TET3: variants seen among roughly 807,000 people sequenced by gnomAD.
TET3 encodes methylcytosine dioxygenase TET3.
A neutral mutation model predicts 141.4 loss-of-function variants in TET3; 19 were observed. The ratio of observed to expected loss-of-function variants is 0.13; its 90% CI spans 0.09 to 0.20. TET3 has a LOEUF of 0.20. Among genes scored for constraint, TET3 ranks in the 10% least tolerant of loss-of-function variants. The pLI is 1.00. For synonymous variants in TET3, 1,043 were observed against 980.9 expected (o/e 1.06, Z -1.18); for missense variants, 1,874 against 2,356.9 (o/e 0.80, Z 4.24).
intron 3 of TET3, among the ~76,000 whole-genome samples, chr2:74,008,854 C>A (rs1685279711): frequency 6.6e-6 from 1 of 152,144 alleles, no homozygotes; most frequent in African/African-American, 2.4e-5. Flanking sequence ...CTAAAGAAAT[C>A]CTGGTTACCT....
downstream of TET3, among the ~76,000 whole-genome samples, chr2:74,112,791 A>G (rs187871970): frequency 2.0e-4 from 31 of 151,648 alleles, no homozygotes; most frequent in Non-Finnish European, 4.3e-4. Flanking sequence ...TCATGAGGTC[A>G]GAAGTTCAAG....
chr2:74,084,052 C>T (rs1303465248), intron 6 of TET3, among the ~76,000 whole-genome samples: 1 of 152,158 alleles, frequency 6.6e-6, no homozygotes, highest in African/African-American at 2.4e-5. Flanking sequence ...GATTTAATAC[C>T]GTGTTCAGGT....
chr2:74,115,740 G>A, the TET3 span, among the ~76,000 whole-genome samples: 1 of 152,156 alleles, frequency 6.6e-6, no homozygotes, highest in Non-Finnish European at 1.5e-5. Context: ...TGAGCCAGGT[G>A]CAGTGGCTGA....
At chr2:74,018,743 AC>A (rs1434878673) in intron 3 of TET3, among the ~76,000 whole-genome samples, 2 of 121,638 alleles carry the variant, frequency 1.6e-5, no homozygotes, top group Non-Finnish European at 3.3e-5. Flanking sequence ...CATACTTCTT[AC>A]TTTTTTTTTT....
At chr2:74,098,571 T>G (rs193043354) in intron 10 of TET3, among the ~76,000 whole-genome samples, 1 of 151,670 alleles carries the variant, frequency 6.6e-6, no homozygotes, top group African/African-American at 2.4e-5. Context: ...AATCAGCACA[T>G]AGAGTTTATA....
the TET3 span, among the ~76,000 whole-genome samples, chr2:74,124,414 C>T: frequency 3.3e-5 from 5 of 151,424 alleles, no homozygotes; most frequent in African/African-American, 4.8e-5. Context: ...TCTGCCCAGC[C>T]GCCACCCCGT....
At chr2:73,989,648 ACTT>A (rs57592289) in intron 2 of TET3, among the ~76,000 whole-genome samples, 13,798 of 151,996 alleles carry the variant, frequency 0.091, 1,523 homozygotes, top group African/African-American at 0.25. Context: ...GGCGGTGACT[ACTT>A]CTCTGGGTCC....
In TET3 at chr2:74,080,570, C is replaced by G. The variant is rs202076712; in HGVS notation, c.2658C>G (p.Arg886=). 61 of 1,612,606 alleles carry G rather than the reference C, an allele frequency of 3.8e-5. No homozygotes were observed. The highest frequency in any genetic ancestry group is 1.2e-4 in the Admixed American group (7 of 59,890). ...CGGGGAAGGAGGGAAAGAGCTCCCG[C>G]GGTTGCCCCATTGCAAAGTGGGTGA... The part of the protein sequence containing the change: ...IYTGKEGKSS[R]GCPIAKWVIR... The change falls in exon 6 of 12, where the codon CGC becomes CGG. Residue 886 remains arginine (R), a synonymous_variant. Transcript: ENST00000409262.
At chr2:74,131,560 G>C in the TET3 span, among the ~76,000 whole-genome samples, 1 of 152,316 alleles carries the variant, frequency 6.6e-6, no homozygotes, top group East Asian at 1.9e-4. Context: ...AACCAGGGCT[G>C]AGGGGCACTA....
chr2:74,030,423 A>T (rs749810089), intron 3 of TET3, among the ~76,000 whole-genome samples: 4 of 152,154 alleles, frequency 2.6e-5, no homozygotes, highest in Non-Finnish European at 4.4e-5. Context: ...GAATTGTATC[A>T]TAGTTTACCA....
chr2:73,991,194 T>G (rs1443536993), intron 2 of TET3, among the ~76,000 whole-genome samples: 1 of 152,116 alleles, frequency 6.6e-6, no homozygotes, highest in Non-Finnish European at 1.5e-5. Context: ...TTATGGATAG[T>G]CTTTAGAATA....
chr2:74,060,306 T>G (rs1297158418), intron 4 of TET3, among the ~76,000 whole-genome samples: 1 of 152,180 alleles, frequency 6.6e-6, no homozygotes, highest in Non-Finnish European at 1.5e-5. Context: ...CTGTTCAAGT[T>G]CCGGTTCAAG....
chr2:74,086,242 A>C (rs1365656948), intron 6 of TET3, among the ~76,000 whole-genome samples: 1 of 151,916 alleles, frequency 6.6e-6, no homozygotes, highest in Non-Finnish European at 1.5e-5. Context: ...ATTTTCAGCC[A>C]CCTCCTTCCC....
intron 3 of TET3, among the ~76,000 whole-genome samples, chr2:74,037,941 C>T (rs1017393546): frequency 3.3e-5 from 5 of 152,180 alleles, no homozygotes; most frequent in Non-Finnish European, 5.9e-5. Flanking sequence ...GTTGACTGAA[C>T]GAGGTGTTTG....
intron 4 of TET3, among the ~76,000 whole-genome samples, chr2:74,057,907 A>G (rs1038606650): frequency 1.3e-5 from 2 of 152,250 alleles, no homozygotes; most frequent in Admixed American, 6.5e-5. Flanking sequence ...CATTTTCATT[A>G]GTGTTAACAA....
chr2:74,026,567 G>A (rs1443233998), intron 3 of TET3, among the ~76,000 whole-genome samples: 1 of 152,166 alleles, frequency 6.6e-6, no homozygotes, highest in Non-Finnish European at 1.5e-5. Context: ...TTATCTTTTA[G>A]TAGCAGAACT....
chr2:74,023,127 G>C (rs1156778451), intron 3 of TET3, among the ~76,000 whole-genome samples: 1 of 152,058 alleles, frequency 6.6e-6, no homozygotes, highest in African/African-American at 2.4e-5. Context: ...CTGTTCCTTG[G>C]ACCACATTTT....
At chr2:74,126,755 G>A in the TET3 span, among the ~76,000 whole-genome samples, 401 of 151,972 alleles carry the variant, frequency 2.6e-3, 2 homozygotes, top group Non-Finnish European at 4.3e-3. Context: ...CACCTGCCTC[G>A]GCCTCCCAAA....
chr2:74,091,960 G>C (rs1690521601), intron 8 of TET3, among the ~76,000 whole-genome samples: 1 of 152,230 alleles, frequency 6.6e-6, no homozygotes, highest in African/African-American at 2.4e-5. Context: ...TAGCTGCTGA[G>C]TATTTAAAAT....
Sources: gnomAD v4.1 joint callset for allele counts (sites outside exome capture counted in the v4.1 genomes callset) on GRCh38, gnomAD v4.1.1 for gene constraint, MANE v1.5 for transcripts, NCBI Gene and HGNC (gene_info 2026-07-23, HGNC 2026-07-21) for gene names.